The following SCN3B variants were observed in gnomAD, a reference collection of about 807,000 sequenced individuals.
SCN3B encodes the protein sodium voltage-gated channel beta subunit 3, also known as sodium channel regulatory subunit beta-3.
Under a neutral mutation model 25.4 loss-of-function variants are expected in SCN3B, and 11 were observed. The observed-to-expected ratio is 0.43, with a 90% CI of 0.27 to 0.72. SCN3B has a LOEUF of 0.72. SCN3B is among the 30% of genes least tolerant of loss of function. The probability of loss-of-function intolerance (pLI) is 0.18; values close to 1 mark genes in which losing one functional copy is unlikely to be tolerated. For synonymous variants in SCN3B, 109 were observed against 110.7 expected (o/e 0.99, Z 0.09); for missense variants, 218 against 278.3 (o/e 0.78, Z 1.54).
rs1437641792 is a variant in SCN3B, at chr11:123,633,188, G to GT, written c.*610dup. On this transcript the variant is annotated 3_prime_UTR_variant, in exon 7 of 7. Transcript: ENST00000299333. ...AGACCCATCAGGATCTAGCTCTGGA[G>GT]TACTAAGCTCCAGAGAGCATGTTAG... 2 of 152,214 alleles carry GT rather than the reference G, an allele frequency of 1.3e-5. No individual in the cohort carries two copies. The highest frequency in any genetic ancestry group is 2.9e-5 in the Non-Finnish European group (2 of 68,046). The allele number at this position is 152,214 out of a possible 1,614,324, so 9.4% of individuals were successfully genotyped here. A position where few individuals can be genotyped will look rare whatever the true frequency, so the allele number is the denominator to read the frequency against.
In SCN3B at chr11:123,642,784, G is replaced by C. The variant is rs979787502; in HGVS notation, c.220-113C>G. 2.6e-5 allele frequency: 21 copies of C among 817,970 alleles called. No individual in the cohort carries two copies. The South Asian group carries it at 3.0e-4, about 12-fold the overall frequency. 50.7% of individuals were successfully genotyped at this position (817,970 alleles called of 1,614,324 possible). ...AGCAGAATTGTGCATGGACAGGGAA[G>C]AGAGGGGACAATGCCACCGGGAGAC... On this transcript the variant is annotated intron_variant, in intron 3 of 6. Transcript: ENST00000299333. The surrounding 1 kb of genome is among the most constrained non-coding windows in gnomAD (Gnocchi z 4.3).
At chr11:123,634,231 A>G (rs1955701632) in intron 5 of SCN3B, 25 bp from the exon 6 acceptor site, 1 of 1,606,374 alleles carries the variant, frequency 6.2e-7, no homozygotes, top group African/African-American at 1.3e-5. Context: ...GGGAAAGGGA[A>G]TCAGAGCTTC....
At position 123,645,592 on chromosome 11, in the gene SCN3B, A is replaced by C. The variant is rs779570317; in HGVS notation, c.214T>G (p.Phe72Val). The C allele has an allele frequency of 2.5e-6, 4 of 1,614,082 alleles. No homozygotes were observed. In the Admixed American group the frequency reaches 6.7e-5, roughly 27 times the overall value. The stretch of plus-strand genomic sequence containing the variant: ...GAGTCAGCAGTCTAACATACAAGGA[A>C]ATCTTTACCGCCCTCGGGCCTGTAG... ...WFYRPEGGKDFLIYEYRNGHQ... is the reference protein window; with the variant it reads ...WFYRPEGGKDVLIYEYRNGHQ... The change falls in exon 3 of 7, where the codon TTC becomes GTC. Residue 72 changes from phenylalanine to valine, a missense_variant. Physicochemically the swap from Phe to Val is conservative, Grantham distance 50. Coordinates refer to ENST00000299333, the MANE Select transcript of SCN3B (RefSeq NM_001040151.2).
At chr11:123,654,110 C>G (rs2137258402) in intron 1 of SCN3B, 116 bp downstream of exon 1, 1 of 504,346 alleles carries the variant, frequency 2.0e-6, no homozygotes, top group East Asian at 3.6e-5. Context: ...CCCCGGAACT[C>G]CAGCTTCCAC....
chr11:123,638,810 G>A lies in SCN3B; in HGVS notation c.446-486C>T, dbSNP rs151146594. 429 of 209,024 alleles carry A rather than the reference G, an allele frequency of 2.1e-3. 1 individual carries two copies. The highest frequency in any genetic ancestry group is 8.2e-3 in the African/African-American group (353 of 43,050). The allele number at this position is 209,024 out of a possible 1,614,324, so 12.9% of individuals were successfully genotyped here. On this transcript the variant is annotated intron_variant, in intron 4 of 6. Transcript: ENST00000299333. Reference sequence around the variant, plus strand: ...AACTGCCTCTGTCTTTTGAGCTGCCGGTGGTGGAGGGTGGTATTCCTGGGG... The same window carrying A: ...AACTGCCTCTGTCTTTTGAGCTGCCAGTGGTGGAGGGTGGTATTCCTGGGG...
At chr11:123,650,166 TGAAGAAA>T (rs1955908008) in intron 2 of SCN3B, among the ~76,000 whole-genome samples, 1 of 151,036 alleles carries the variant, frequency 6.6e-6, no homozygotes, top group Non-Finnish European at 1.5e-5. Context: ...ATAATAATAA[TGAAGAAA>T]TTTATGAGAA....
chr11:123,651,009 G>A (rs986783142), intron 2 of SCN3B, among the ~76,000 whole-genome samples: 1 of 152,028 alleles, frequency 6.6e-6, no homozygotes, highest in Non-Finnish European at 1.5e-5. Context: ...GATTACTTGA[G>A]CCCAGGAGTT....
At chr11:123,648,606 A>AACAGT (rs71478416) in intron 2 of SCN3B, among the ~76,000 whole-genome samples, 12,432 of 152,216 alleles carry the variant, frequency 0.082, 524 homozygotes, top group Middle Eastern at 0.11. Flanking sequence ...GAAAAAATAA[A>AACAGT]ACAGGAGAGA....
intron 3 of SCN3B, among the ~76,000 whole-genome samples, chr11:123,644,832 T>TACACACAC (rs1955834919): frequency 7.8e-6 from 1 of 128,880 alleles, no homozygotes; most frequent in African/African-American, 2.9e-5. Flanking sequence ...TATATATATA[T>TACACACAC]ATATATATAC....
At chr11:123,650,490 G>C (rs1937421956) in intron 2 of SCN3B, among the ~76,000 whole-genome samples, 1 of 152,174 alleles carries the variant, frequency 6.6e-6, no homozygotes, top group African/African-American at 2.4e-5. Context: ...TTAGGGCCTT[G>C]AATAGGATGC....
chr11:123,651,793 A>C (rs1234256880), intron 2 of SCN3B, among the ~76,000 whole-genome samples: 3 of 152,204 alleles, frequency 2.0e-5, no homozygotes, highest in Non-Finnish European at 4.4e-5. Flanking sequence ...AAAGATGGGC[A>C]TACTGTGTAC....
At chr11:123,637,776 C>T (rs544784930) in intron 5 of SCN3B, among the ~76,000 whole-genome samples, 2 of 152,026 alleles carry the variant, frequency 1.3e-5, no homozygotes, top group African/African-American at 2.4e-5. Context: ...GTGATCCTCC[C>T]GCCTCAGCCT....
intron 5 of SCN3B, among the ~76,000 whole-genome samples, chr11:123,635,677 C>T (rs1167153943): frequency 1.3e-5 from 2 of 150,826 alleles, no homozygotes; most frequent in East Asian, 1.9e-4. Flanking sequence ...CAGAGCGAGA[C>T]TCTGTCTCAA....
intron 3 of SCN3B, among the ~76,000 whole-genome samples, chr11:123,644,609 T>C (rs920203738): frequency 2.0e-5 from 3 of 151,868 alleles, no homozygotes; most frequent in Non-Finnish European, 1.5e-5. Flanking sequence ...CTGTCTCTAC[T>C]AAAAATACCA....
rs560799000 is a variant in SCN3B, at chr11:123,630,921, C to T, written c.*2878G>A. 1.6e-4 allele frequency: 24 copies of T among 152,276 alleles called. No homozygotes were observed. The highest frequency in any genetic ancestry group is 5.8e-4 in the African/African-American group (24 of 41,556). 9.4% of individuals were successfully genotyped at this position (152,276 alleles called of 1,614,324 possible). A position where few individuals can be genotyped will look rare whatever the true frequency, so the allele number is the denominator to read the frequency against. Reference sequence around the variant, plus strand: ...GAGAACTGAAAGAGGAGTCAGAAGACCTGGATTCTTGCTGTCTACCTACCA... The same window carrying T: ...GAGAACTGAAAGAGGAGTCAGAAGATCTGGATTCTTGCTGTCTACCTACCA... On this transcript the variant is annotated 3_prime_UTR_variant, in exon 7 of 7. Coordinates refer to ENST00000299333, the MANE Select transcript of SCN3B (RefSeq NM_001040151.2).
chr11:123,629,751 G>A lies in SCN3B; in HGVS notation c.*4048C>T, dbSNP rs1317226236. ...CAAGCACTATTCAGATACATTTGCA[G>A]TGACTAGGTGAATTCACTGAATTAG... is the stretch of plus-strand genomic sequence containing the variant. On this transcript the variant is annotated 3_prime_UTR_variant, in exon 7 of 7. Coordinates refer to ENST00000299333, the MANE Select transcript of SCN3B (RefSeq NM_001040151.2). The A allele has an allele frequency of 6.6e-6, 1 of 152,268 alleles. No homozygotes were observed. The highest frequency in any genetic ancestry group is 1.5e-5 in the Non-Finnish European group (1 of 68,046). 9.4% of individuals were successfully genotyped at this position (152,268 alleles called of 1,614,324 possible).
chr11:123,648,523 C>A (rs1955881960), intron 2 of SCN3B, among the ~76,000 whole-genome samples: 2 of 152,172 alleles, frequency 1.3e-5, no homozygotes, highest in Non-Finnish European at 2.9e-5. Context: ...AAAAGAATCC[C>A]TGTTTTATGG....
intron 3 of SCN3B, among the ~76,000 whole-genome samples, chr11:123,644,997 C>A (rs5023548): frequency 0.097 from 14,675 of 151,634 alleles, 895 homozygotes; most frequent in East Asian, 0.18. Context: ...CGAATCTCTT[C>A]GTTTCCAAAT....
At chr11:123,643,063 GAAC>G (rs1438202142) in intron 3 of SCN3B, among the ~76,000 whole-genome samples, 2 of 152,178 alleles carry the variant, frequency 1.3e-5, no homozygotes. Flanking sequence ...AAGATAGAGA[GAAC>G]AAGAGAGTAA....
Sources: gnomAD v4.1 joint callset for allele counts (sites outside exome capture counted in the v4.1 genomes callset) on GRCh38, gnomAD v4.1.1 for gene constraint, Gnocchi (gnomAD v3.1) non-coding constraint, MANE v1.5 for transcripts, NCBI Gene and HGNC (gene_info 2026-07-23, HGNC 2026-07-21) for gene names.